Variants in SLC35A3 observed in about 807,000 individuals in gnomAD.
The protein encoded by SLC35A3 is UDP-N-acetylglucosamine transporter.
In SLC35A3, 26 loss-of-function variants were observed where a neutral mutation model predicts 39.0. That is an observed-to-expected ratio of 0.67 (90% CI 0.49 to 0.92). The LOEUF (loss-of-function observed/expected upper bound fraction) is 0.92. Among genes scored for constraint, SLC35A3 ranks in the 40% least tolerant of loss-of-function variants. The pLI is 0.00. For missense variants in SLC35A3, 299 were observed against 371.6 expected, an observed-to-expected ratio of 0.80 and a Z score of 1.61; for synonymous variants, 135 against 133.1, an observed-to-expected ratio of 1.01 and a Z score of -0.10.
rs1661090671 is a variant in SLC35A3, at chr1:100,029,204, A to C, written c.*6728A>C. 6.6e-6 allele frequency: 1 copy of C among 152,164 alleles called. No individual in the cohort carries two copies. The highest frequency in any genetic ancestry group is 1.5e-5 in the Non-Finnish European group (1 of 68,042). The allele number at this position is 152,164 out of a possible 1,614,324, so 9.4% of individuals were successfully genotyped here. Reference sequence around the variant, plus strand: ...GACATCAAGACTTCAGGGCCTCACCATAGGTTATCTCGTTAGCATAAACTG... The same window carrying C: ...GACATCAAGACTTCAGGGCCTCACCCTAGGTTATCTCGTTAGCATAAACTG... On this transcript the variant is annotated 3_prime_UTR_variant, in exon 8 of 8. Coordinates refer to ENST00000533028, the MANE Select transcript of SLC35A3 (RefSeq NM_012243.3).
At chr1:100,007,470 C>T (rs1005112180) in intron 4 of SLC35A3, 1 of 178,428 alleles carries the variant, frequency 5.6e-6, no homozygotes, top group African/African-American at 2.4e-5. Context: ...TAGCCACTCC[C>T]TTTTTATTTT....
chr1:99,983,939 T>G (rs1301944519), intron 1 of SLC35A3, among the ~76,000 whole-genome samples: 1 of 152,136 alleles, frequency 6.6e-6, no homozygotes, highest in South Asian at 2.1e-4. Flanking sequence ...TTTATTTTAT[T>G]TTACATTTAA....
rs75846088 is a variant in SLC35A3, at chr1:100,029,860, T to C, written c.*7384T>C. On this transcript the variant is annotated 3_prime_UTR_variant, in exon 8 of 8. Transcript: ENST00000533028. The stretch of plus-strand genomic sequence containing the variant: ...ATTGTGTTAAGAACATATATATATA[T>C]ATAGAGAGAGAGAGAGCATAGTATT... 2 of 151,920 alleles carry C rather than the reference T, an allele frequency of 1.3e-5. No homozygotes were observed. The highest frequency in any genetic ancestry group is 3.8e-4 in the East Asian group (2 of 5,196). 9.4% of individuals were successfully genotyped at this position (151,920 alleles called of 1,614,324 possible). A position where few individuals can be genotyped will look rare whatever the true frequency, so the allele number is the denominator to read the frequency against.
Position 99,993,649 on chromosome 1 carries a change from A to G in SLC35A3, c.95A>G (p.Glu32Gly). The change falls in exon 2 of 8, where the codon GAA (glutamate) becomes GGA (glycine). Residue 32 changes from glutamate (E) to glycine (G), a missense_variant. Coordinates refer to ENST00000533028, the MANE Select transcript of SLC35A3 (RefSeq NM_012243.3). ...ATGCGTTATTCCAGAACTTTAAAAG[A>G]AGAAGGACCTCGTTATCTATCTTCT... ...LTMRYSRTLK[E>G]EGPRYLSSTA... 1.9e-6 allele frequency: 3 copies of G among 1,614,030 alleles called. No homozygotes were observed. The highest frequency in any genetic ancestry group is 2.5e-6 in the Non-Finnish European group (3 of 1,179,938).
intron 1 of SLC35A3, among the ~76,000 whole-genome samples, chr1:99,973,031 C>T (rs1186563820): frequency 1.3e-5 from 2 of 152,126 alleles, no homozygotes; most frequent in East Asian, 3.8e-4. Context: ...AGTAGAAATT[C>T]AACATTTTGC....
intron 4 of SLC35A3, among the ~76,000 whole-genome samples, chr1:100,010,608 G>A (rs1659561046): frequency 6.6e-6 from 1 of 152,124 alleles, no homozygotes; most frequent in African/African-American, 2.4e-5. Context: ...TGGATCACCT[G>A]AGCCCAGGGA....
rs1162937377 is a variant in SLC35A3 at position 100,026,688 on chromosome 1, TTTG to T, written c.*4218_*4220del. On this transcript the variant is annotated 3_prime_UTR_variant, in exon 8 of 8. Coordinates refer to ENST00000533028, the MANE Select transcript of SLC35A3 (RefSeq NM_012243.3). ...TTTAACAATTGTATAAAACTGTCAG[TTTG>T]TTGTTTCATTTGTAATTACAAAATA... 6.6e-6 allele frequency: 1 copy of T among 152,278 alleles called. No individual in the cohort carries two copies. Among genetic ancestry groups the T allele is most frequent in the East Asian group, 1.9e-4 (1 of 5,208 alleles). 9.4% of individuals were successfully genotyped at this position (152,278 alleles called of 1,614,324 possible). A position where few individuals can be genotyped will look rare whatever the true frequency, so the allele number is the denominator to read the frequency against.
intron 4 of SLC35A3, 83 bp downstream of exon 4, chr1:100,007,239 T>C: frequency 7.8e-7 from 1 of 1,274,338 alleles, no homozygotes. Flanking sequence ...AATATGGTTC[T>C]ATTGATTGTT....
chr1:99,973,306 G>A (rs1656922902), intron 1 of SLC35A3, among the ~76,000 whole-genome samples: 1 of 152,148 alleles, frequency 6.6e-6, no homozygotes, highest in African/African-American at 2.4e-5. Context: ...TGTCATTCAT[G>A]AGTATTAATT....
chr1:99,977,564 AAGGGAGGGAGGAAGGG>A (rs1270261592), intron 1 of SLC35A3, among the ~76,000 whole-genome samples: 7 of 104,084 alleles, frequency 6.7e-5, no homozygotes, highest in African/African-American at 1.2e-4. Flanking sequence ...GGAAGGGAGG[AAGGGAGGGAGGAAGGG>A]AGGGAGGGAG....
At chr1:99,980,325 T>C (rs1424156436) in intron 1 of SLC35A3, among the ~76,000 whole-genome samples, 1 of 152,088 alleles carries the variant, frequency 6.6e-6, no homozygotes, top group Non-Finnish European at 1.5e-5. Flanking sequence ...AGAGCAGAAT[T>C]GCATGAGAGT....
chr1:100,004,702 T>A (rs1659079247), intron 3 of SLC35A3, among the ~76,000 whole-genome samples: 1 of 151,990 alleles, frequency 6.6e-6, no homozygotes, highest in African/African-American at 2.4e-5. Context: ...TATTTTTTAA[T>A]TTAAAAAAAA....
chr1:100,000,374 T>C (rs1658686086), intron 3 of SLC35A3, among the ~76,000 whole-genome samples: 2 of 152,170 alleles, frequency 1.3e-5, no homozygotes, highest in Non-Finnish European at 2.9e-5. Context: ...TATTTGTATG[T>C]CTTCTTTTGA....
At chr1:99,995,750 A>G (rs961330964) in intron 2 of SLC35A3, among the ~76,000 whole-genome samples, 9 of 152,220 alleles carry the variant, frequency 5.9e-5, no homozygotes, top group African/African-American at 2.2e-4. Context: ...ATTTTGCTTT[A>G]AAGTTGAGGA....
intron 1 of SLC35A3, among the ~76,000 whole-genome samples, chr1:99,977,253 C>T (rs1460057248): frequency 1.3e-5 from 2 of 151,160 alleles, no homozygotes; most frequent in Non-Finnish European, 1.5e-5. Context: ...TGCAGTGGCT[C>T]ACACCTGTAA....
chr1:100,021,065 T>TG (rs2101487857), intron 7 of SLC35A3, among the ~76,000 whole-genome samples: 2 of 152,366 alleles, frequency 1.3e-5, no homozygotes, highest in African/African-American at 4.8e-5. Flanking sequence ...AACTAGCTTA[T>TG]GTCTCTATAA....
rs147944252 is a variant in SLC35A3, at chr1:100,024,323, C to T, written c.*1847C>T. ...ATCCCAGCACTTTGGGAGGCCGAGGCGGGTGGATCACAAGGTCAGGAATTC... is the reference window on the plus strand; with the variant it reads ...ATCCCAGCACTTTGGGAGGCCGAGGTGGGTGGATCACAAGGTCAGGAATTC... On this transcript the variant is annotated 3_prime_UTR_variant, in exon 8 of 8. Coordinates refer to ENST00000533028, the MANE Select transcript of SLC35A3 (RefSeq NM_012243.3). 7.3e-3 allele frequency: 1,108 copies of T among 152,096 alleles called. 10 individuals carry two copies. Among genetic ancestry groups the T allele is most frequent in the Non-Finnish European group, 0.011 (749 of 68,092 alleles). 9.4% of individuals were successfully genotyped at this position (152,096 alleles called of 1,614,324 possible). A position where few individuals can be genotyped will look rare whatever the true frequency, so the allele number is the denominator to read the frequency against.
intron 3 of SLC35A3, 123 bp downstream of exon 3, chr1:99,999,538 G>T: frequency 1.8e-6 from 1 of 555,252 alleles, no homozygotes; most frequent in South Asian, 2.8e-5. Context: ...GATCAAATCA[G>T]GGTATTTAGG....
chr1:100,009,844 G>A (rs548341482), intron 4 of SLC35A3, among the ~76,000 whole-genome samples: 17 of 152,284 alleles, frequency 1.1e-4, no homozygotes, highest in Admixed American at 7.8e-4. Context: ...GAAGAGGTAT[G>A]GGTACATTTT....
Sources: allele counts gnomAD v4.1 joint callset (sites outside exome capture counted in the v4.1 genomes callset), GRCh38; gene constraint gnomAD v4.1.1; transcripts MANE v1.5; gene names NCBI Gene and HGNC (gene_info 2026-07-23, HGNC 2026-07-21).